The following ACTL8 variants were observed in gnomAD, a reference collection of about 807,000 sequenced individuals.
ACTL8 encodes the protein actin-like protein 8.
Under a neutral mutation model 9.3 loss-of-function variants are expected in ACTL8, and 3 were observed. The observed-to-expected ratio is 0.32, with a 90% CI of 0.15 to 0.83. The LOEUF (loss-of-function observed/expected upper bound fraction) is 0.83, where lower values mean the gene tolerates loss of function less well. ACTL8 is among the 40% of genes least tolerant of loss of function. ACTL8 has a pLI of 0.57. For missense variants in ACTL8, 381 were observed against 492.2 expected, an observed-to-expected ratio of 0.77 and a Z score of 2.14; for synonymous variants, 224 against 205.9, an observed-to-expected ratio of 1.09 and a Z score of -0.75.
In ACTL8 at chr1:17,825,894, C is replaced by T. The variant is rs1360889975; in HGVS notation, c.476C>T (p.Pro159Leu). 4.3e-6 allele frequency: 7 copies of T among 1,613,630 alleles called. No homozygotes were observed. Among genetic ancestry groups the T allele is most frequent in the Non-Finnish European group, 2.5e-6 (3 of 1,180,026 alleles). Reference sequence around the variant, plus strand: ...GGCTATGGCCTGACCCGCGTGCAGCCTTTCCACCAGGGCCGCCCCTTGCCC... The same window carrying T: ...GGCTATGGCCTGACCCGCGTGCAGCTTTTCCACCAGGGCCGCCCCTTGCCC... The part of the protein sequence containing the change: ...DSGYGLTRVQ[P>L]FHQGRPLPAS... The change falls in exon 3 of 3, where the codon CCT (proline) becomes CTT (leucine). Residue 159 changes from proline (P) to leucine (L), a missense_variant. Pro to Leu is a moderately conservative substitution (Grantham distance 98). This residue lies in a region of ACTL8 where 13 missense variants were observed against 35.4 expected (regional missense o/e 0.37). Coordinates refer to ENST00000375406, the MANE Select transcript of ACTL8 (RefSeq NM_030812.3).
At chr1:17,766,389 G>A (rs1466057998) in intron 1 of ACTL8, among the ~76,000 whole-genome samples, 1 of 152,162 alleles carries the variant, frequency 6.6e-6, no homozygotes, top group Non-Finnish European at 1.5e-5. Context: ...ATGAGTGGCA[G>A]AGCCTGGCTC....
intron 1 of ACTL8, among the ~76,000 whole-genome samples, chr1:17,801,146 G>A (rs1276385513): frequency 2.0e-5 from 3 of 152,146 alleles, no homozygotes; most frequent in Non-Finnish European, 2.9e-5. Flanking sequence ...TGTGTTGTAG[G>A]TGCTTTGTAA....
At chr1:17,783,312 A>T (rs1185689964) in intron 1 of ACTL8, among the ~76,000 whole-genome samples, 8 of 149,872 alleles carry the variant, frequency 5.3e-5, no homozygotes, top group Admixed American at 3.3e-4. Flanking sequence ...TTCTCATGAG[A>T]TCTGATGGTT....
chr1:17,768,154 G>T (rs1428936894), intron 1 of ACTL8, among the ~76,000 whole-genome samples: 2 of 146,042 alleles, frequency 1.4e-5, no homozygotes, highest in Admixed American at 6.9e-5. Context: ...AGCTAACTCT[G>T]GTTGGGAATA....
At chr1:17,783,057 T>C (rs557237112) in intron 1 of ACTL8, among the ~76,000 whole-genome samples, 1 of 152,184 alleles carries the variant, frequency 6.6e-6, no homozygotes, top group Non-Finnish European at 1.5e-5. Flanking sequence ...GTGGGCCCCA[T>C]AGGCCCACCA....
intron 1 of ACTL8, among the ~76,000 whole-genome samples, chr1:17,762,394 C>T (rs2066012611): frequency 6.6e-6 from 1 of 152,020 alleles, no homozygotes; most frequent in Non-Finnish European, 1.5e-5. Flanking sequence ...ACAGACCAGG[C>T]CCCACCCCCT....
At position 17,822,969 on chromosome 1, in the gene ACTL8, T is replaced by C; in HGVS notation, c.-24-16T>C. On this transcript the variant is annotated splice_polypyrimidine_tract_variant and intron_variant, in intron 1 of 2. Coordinates refer to ENST00000375406, the MANE Select transcript of ACTL8 (RefSeq NM_030812.3). ...TAGGCTGCCTGCACAACTAACCCCA[T>C]CCTTTGCTTCCGCAGGTCCCACCCA... 1 of 1,567,946 alleles carries C rather than the reference T, an allele frequency of 6.4e-7. No individual in the cohort carries two copies. Among genetic ancestry groups the C allele is most frequent in the Non-Finnish European group, 8.7e-7 (1 of 1,151,764 alleles).
At chr1:17,797,420 T>A (rs2066284834) in intron 1 of ACTL8, among the ~76,000 whole-genome samples, 1 of 152,200 alleles carries the variant, frequency 6.6e-6, no homozygotes, top group Non-Finnish European at 1.5e-5. Context: ...TCATGCCATA[T>A]CGGCGCTTCC....
Position 17,823,069 on chromosome 1 carries a change from G to A in ACTL8, c.61G>A (p.Gly21Ser), listed in dbSNP as rs747728884. The A allele has an allele frequency of 1.8e-5, 29 of 1,614,088 alleles. No individual in the cohort carries two copies. The highest frequency in any genetic ancestry group is 2.2e-5 in the East Asian group (1 of 44,866). Residue 21 changes from glycine (G) to serine (S), a missense_variant, in exon 2 of 3, where the codon GGC becomes AGC. Physicochemically the swap from Gly to Ser is moderately conservative, Grantham distance 56. Around this residue, in one of 3 missense-constraint regions of ACTL8, gnomAD observed 125 missense variants for 180.7 expected, o/e 0.69. Transcript: ENST00000375406. The surrounding 1 kb of genome is among the most constrained non-coding windows in gnomAD (Gnocchi z 5.3). Reference protein sequence around the residue: ...GSGFLKAGTAGWNEPQMVFPN... With the variant: ...GSGFLKAGTASWNEPQMVFPN... Reference sequence around the variant, plus strand: ...TGGCTTTTTGAAGGCTGGCACGGCCGGCTGGAATGAGCCTCAGATGGTCTT... The same window carrying A: ...TGGCTTTTTGAAGGCTGGCACGGCCAGCTGGAATGAGCCTCAGATGGTCTT...
intron 1 of ACTL8, among the ~76,000 whole-genome samples, chr1:17,760,925 A>G (rs2065997490): frequency 6.6e-6 from 1 of 152,204 alleles, no homozygotes; most frequent in Non-Finnish European, 1.5e-5. Context: ...TCTGAGGAGA[A>G]AGATGGATCC....
At chr1:17,779,471 T>G (rs1317806413) in intron 1 of ACTL8, among the ~76,000 whole-genome samples, 1 of 152,214 alleles carries the variant, frequency 6.6e-6, no homozygotes, top group Non-Finnish European at 1.5e-5. Context: ...CATCATCAGA[T>G]CTGCAAAAGG....
intron 1 of ACTL8, among the ~76,000 whole-genome samples, chr1:17,759,087 T>C (rs940580552): frequency 6.6e-6 from 1 of 152,248 alleles, no homozygotes; most frequent in Non-Finnish European, 1.5e-5. Context: ...TGTGTTGTTG[T>C]ACAGGACTTC....
intron 1 of ACTL8, among the ~76,000 whole-genome samples, chr1:17,788,339 C>T (rs1421542262): frequency 1.3e-5 from 2 of 152,208 alleles, no homozygotes; most frequent in Non-Finnish European, 2.9e-5. Context: ...ACATGCCTAC[C>T]TTCCTTTCAC....
intron 1 of ACTL8, among the ~76,000 whole-genome samples, chr1:17,756,392 CG>C (rs1220053161): frequency 1.3e-5 from 2 of 151,306 alleles, no homozygotes; most frequent in African/African-American, 2.4e-5. Flanking sequence ...GGATTCTTAG[CG>C]GGGGGTTGTT....
chr1:17,805,112 T>C (rs995392751), intron 1 of ACTL8, among the ~76,000 whole-genome samples: 1 of 152,044 alleles, frequency 6.6e-6, no homozygotes, highest in Non-Finnish European at 1.5e-5. Context: ...TCACTTCCTC[T>C]CCCTCCAGCT....
At chr1:17,796,604 C>A (rs767376645) in intron 1 of ACTL8, among the ~76,000 whole-genome samples, 1 of 152,194 alleles carries the variant, frequency 6.6e-6, no homozygotes, top group East Asian at 1.9e-4. Flanking sequence ...CCCTCCACCC[C>A]CTCTGGGGTA....
chr1:17,772,727 G>T (rs2066092763), intron 1 of ACTL8, among the ~76,000 whole-genome samples: 1 of 152,200 alleles, frequency 6.6e-6, no homozygotes, highest in African/African-American at 2.4e-5. Flanking sequence ...CCAGCTCCCT[G>T]GAGCCTCTGC....
chr1:17,789,149 T>C (rs1304525650), intron 1 of ACTL8, among the ~76,000 whole-genome samples: 1 of 152,208 alleles, frequency 6.6e-6, no homozygotes, highest in Non-Finnish European at 1.5e-5. Flanking sequence ...TCAGGACATA[T>C]ACATAATCAG....
intron 1 of ACTL8, among the ~76,000 whole-genome samples, chr1:17,805,049 A>T (rs1250731735): frequency 1.3e-5 from 2 of 152,108 alleles, no homozygotes; most frequent in Non-Finnish European, 2.9e-5. Flanking sequence ...CGTATTCTTT[A>T]CAATTTCCTA....
Sources: gnomAD v4.1 joint callset for allele counts (sites outside exome capture counted in the v4.1 genomes callset) on GRCh38, gnomAD v4.1.1 for gene constraint, gnomAD v4.1.1 regional missense constraint, Gnocchi (gnomAD v3.1) non-coding constraint, MANE v1.5 for transcripts, NCBI Gene and HGNC (gene_info 2026-07-23, HGNC 2026-07-21) for gene names.